Variants in ATG9B observed in about 807,000 individuals in gnomAD.
The protein encoded by ATG9B is autophagy related 9B, also known as autophagy-related protein 9B.
Under a neutral mutation model 92.9 loss-of-function variants are expected in ATG9B, and 92 were observed. That is an observed-to-expected ratio of 0.99 (90% confidence interval 0.84 to 1.18). ATG9B has a LOEUF of 1.18. Among genes scored for constraint, ATG9B ranks in the 50% most tolerant of loss-of-function variants. ATG9B has a pLI of 0.00. For synonymous variants in ATG9B, 599 were observed against 551.4 expected (o/e 1.09, Z -1.21); for missense variants, 1,344 against 1,235.0 (o/e 1.09, Z -1.32).
intron 13 of ATG9B, 43 bp downstream of exon 13, chr7:151,015,839 T>C: frequency 2.6e-6 from 4 of 1,524,592 alleles, no homozygotes; most frequent in Non-Finnish European, 2.6e-6. Context: ...ACCAACTACC[T>C]ATGCCGTCCT....
downstream of ATG9B, chr7:151,013,347 A>G (rs757159310): frequency 6.2e-7 from 1 of 1,613,704 alleles, no homozygotes; most frequent in South Asian, 1.1e-5. Flanking sequence ...CCGAGTCCTC[A>G]CCGCCTTCTC....
rs1171114929 is a variant in ATG9B at position 151,016,200 on chromosome 7, A to C, written c.2556T>G (p.Gly852=). The change falls in exon 12 of 14, where the codon GGT becomes GGG. Residue 852 remains glycine (G), a synonymous_variant. Transcript: ENST00000639579. ...TGGACAGGATGGAGGCTGCAGCCTC[A>C]CCCCACGGCTCCTGCTGCTGCTGCT... is the stretch of plus-strand genomic sequence containing the variant. ...HQQQQQQEPW[G]EAAASILSRP... 1.3e-6 allele frequency: 2 copies of C among 1,512,432 alleles called. No homozygotes were observed. Among genetic ancestry groups the C allele is most frequent in the Middle Eastern group, 1.7e-4 (1 of 5,734 alleles). 93.7% of individuals were successfully genotyped at this position (1,512,432 alleles called of 1,614,324 possible).
At chr7:151,012,455 A>G (rs1395033620), downstream of ATG9B, 1 of 1,612,104 alleles carries the variant, frequency 6.2e-7, no homozygotes, top group East Asian at 2.2e-5. Flanking sequence ...GAGCGGCTGC[A>G]TGACATTGAG....
At chr7:151,014,066 C>T, downstream of ATG9B, 3 of 1,613,828 alleles carry the variant, frequency 1.9e-6, no homozygotes, top group Non-Finnish European at 2.5e-6. Flanking sequence ...CAGGAGGTGA[C>T]AAGCCGCATA....
downstream of ATG9B, chr7:151,014,004 A>G: frequency 6.2e-7 from 1 of 1,611,916 alleles, no homozygotes; most frequent in Non-Finnish European, 8.5e-7. Flanking sequence ...CTCTTTTCCG[A>G]CAGGATCAGC....
chr7:151,023,109 C>G lies in ATG9B; in HGVS notation c.757G>C (p.Gly253Arg), dbSNP rs1427582321. The G allele has an allele frequency of 1.2e-6, 2 of 1,614,132 alleles. No individual in the cohort carries two copies. The highest frequency in any genetic ancestry group is 3.3e-5 in the Admixed American group (2 of 60,006). ...ANQPSNHTRP[G>R]PFHSKVTLSD... ...AGGGTCACTTTGCTGTGGAACGGCC[C>G]AGGTCTGGTATGGTTACTTGGTTGG... Residue 253 changes from glycine to arginine, a missense_variant, in exon 4 of 14, where the codon GGG becomes CGG. Coordinates refer to ENST00000639579, the MANE Select transcript of ATG9B (RefSeq NM_001317056.2).
intron 5 of ATG9B, among the ~76,000 whole-genome samples, chr7:151,019,580 C>G (rs1322029809): frequency 6.6e-6 from 1 of 152,254 alleles, no homozygotes; most frequent in African/African-American, 2.4e-5. Context: ...GCGCGCCCTA[C>G]TTCCTTCATC....
chr7:151,012,578 T>A, downstream of ATG9B: 1 of 1,368,300 alleles, frequency 7.3e-7, no homozygotes, highest in Non-Finnish European at 9.9e-7. Flanking sequence ...GGAAACAAAG[T>A]CCACAAAGCT....
rs768523206 is a variant in ATG9B, at chr7:151,016,488, G to C, written c.2463C>G (p.Ala821=). 1.4e-5 allele frequency: 21 copies of C among 1,551,216 alleles called. No individual in the cohort carries two copies. Among genetic ancestry groups the C allele is most frequent in the African/African-American group, 4.1e-5 (3 of 73,026 alleles). Residue 821 remains alanine (A), a synonymous_variant, in exon 11 of 14, where the codon GCC becomes GCG. Coordinates refer to ENST00000639579, the MANE Select transcript of ATG9B (RefSeq NM_001317056.2). ...CGGCAGAAGCAAGTTCTGGGAGCTG[G>C]GCCAGCTTCTGGCCCCCAGTGCCTC... is the stretch of plus-strand genomic sequence containing the variant. ...SPGGTGGQKL[A]QLPELASAEM...
At chr7:151,020,920 C>A (rs997228491) in intron 5 of ATG9B, 1 of 346,978 alleles carries the variant, frequency 2.9e-6, no homozygotes. Flanking sequence ...TTTCTCTAAT[C>A]AATGTTTTTA....
intron 10 of ATG9B, 74 bp from the exon 11 acceptor site, chr7:151,016,601 TC>T: frequency 6.5e-7 from 1 of 1,542,434 alleles, no homozygotes; most frequent in Non-Finnish European, 8.7e-7. Flanking sequence ...CCCTTCTGAA[TC>T]CCCCCTCAGC....
At chr7:151,017,735 G>C in intron 8 of ATG9B, 136 bp downstream of exon 8, 1 of 1,098,620 alleles carries the variant, frequency 9.1e-7, no homozygotes, top group Non-Finnish European at 1.3e-6. Flanking sequence ...GGGCACGAGA[G>C]CACAGGAAGG....
chr7:151,019,511 A>C, intron 5 of ATG9B, 137 bp from the exon 6 acceptor site: 1 of 1,173,026 alleles, frequency 8.5e-7, no homozygotes, highest in Non-Finnish European at 1.1e-6. Flanking sequence ...ACCAAGCTAC[A>C]TCGTCCCCCT....
At chr7:151,013,606 A>T (rs1328669880), downstream of ATG9B, 1 of 872,230 alleles carries the variant, frequency 1.1e-6, no homozygotes, top group Non-Finnish European at 1.6e-6. Context: ...GCCCCAGGGC[A>T]CGCAGGCCCC....
At position 151,023,862 on chromosome 7, in the gene ATG9B, C is replaced by A; in HGVS notation, c.550+12G>T. 1 of 1,610,866 alleles carries A rather than the reference C, an allele frequency of 6.2e-7. No homozygotes were observed. The highest frequency in any genetic ancestry group is 8.5e-7 in the Non-Finnish European group (1 of 1,178,618). ...ACCACTAACCCTCTCCCACCCACAC[C>A]CACACACATACCTCGGAGCCCTTCA... On this transcript the variant is annotated intron_variant, in intron 1 of 13. Coordinates refer to ENST00000639579, the MANE Select transcript of ATG9B (RefSeq NM_001317056.2).
In ATG9B at chr7:151,018,772, G is replaced by A. The variant is rs748913204; in HGVS notation, c.1566C>T (p.Pro522=). 4.1e-6 allele frequency: 6 copies of A among 1,453,204 alleles called. No homozygotes were observed. The highest frequency in any genetic ancestry group is 4.5e-6 in the Non-Finnish European group (5 of 1,107,528). The allele number at this position is 1,453,204 out of a possible 1,614,324, so 90.0% of individuals were successfully genotyped here. A position where few individuals can be genotyped will look rare whatever the true frequency, so the allele number is the denominator to read the frequency against. The change falls in exon 6 of 14, where the codon CCC becomes CCT. Residue 522 remains proline (P), a synonymous_variant. Transcript: ENST00000639579. This position sits in a 1 kb window ranked among gnomAD's most constrained non-coding sequence, Gnocchi z 4.7. ...AFLRTAAPPA[P]LRTLLARQLV... ...GCTGGCGGGCCAGCAGCGTGCGCAG[G>A]GGCGCGGGGGGCGCAGCGGTGCGCA...
intron 5 of ATG9B, chr7:151,020,869 AT>A (rs1795720465): frequency 4.0e-6 from 1 of 250,704 alleles, no homozygotes. Context: ...CCCAACCCAA[AT>A]TCCTCCAGCT....
In ATG9B at chr7:151,018,538, G is replaced by A. The variant is rs975066922; in HGVS notation, c.1718+82C>T. On this transcript the variant is annotated intron_variant, in intron 6 of 13. Transcript: ENST00000639579. The surrounding 1 kb of genome is among the most constrained non-coding windows in gnomAD (Gnocchi z 4.7). ...CTAGAGGGCCCCAGTGGTGGGAGAGGTAAGGATTCGGGGGGAACCTCACAT... is the reference window on the plus strand; with the variant it reads ...CTAGAGGGCCCCAGTGGTGGGAGAGATAAGGATTCGGGGGGAACCTCACAT... 2.9e-5 allele frequency: 44 copies of A among 1,527,314 alleles called. No individual in the cohort carries two copies. Among genetic ancestry groups the A allele is most frequent in the Non-Finnish European group, 3.8e-5 (43 of 1,139,796 alleles). The allele number at this position is 1,527,314 out of a possible 1,614,324, so 94.6% of individuals were successfully genotyped here.
In ATG9B at chr7:151,016,804, G is replaced by A; in HGVS notation, c.2307C>T (p.Ala769=). The change falls in exon 10 of 14, where the codon GCC becomes GCT. Residue 769 remains alanine (A), a synonymous_variant. Transcript: ENST00000639579. ...GCAGGAGAGGGTGCACGAAGAGGTT[G>A]GCCAGGAAGGCCTCAGGCTGGGTGC... ...CTSPLPEAFL[A]NLFVHPLLPP... 1 of 1,609,270 alleles carries A rather than the reference G, an allele frequency of 6.2e-7. No individual in the cohort carries two copies. Among genetic ancestry groups the A allele is most frequent in the Non-Finnish European group, 8.5e-7 (1 of 1,178,086 alleles).
Sources: gnomAD v4.1 joint callset for allele counts (sites outside exome capture counted in the v4.1 genomes callset) on GRCh38, gnomAD v4.1.1 for gene constraint, Gnocchi (gnomAD v3.1) non-coding constraint, MANE v1.5 for transcripts, NCBI Gene and HGNC (gene_info 2026-07-23, HGNC 2026-07-21) for gene names.